The following GREB1L variants were observed in gnomAD, a reference collection of about 807,000 sequenced individuals.
GREB1L encodes GREB1-like protein.
GREB1L carries 17 observed loss-of-function variants against 200.8 expected under a neutral mutation model. The ratio of observed to expected loss-of-function variants is 0.08; its 90% confidence interval spans 0.06 to 0.13. The LOEUF (loss-of-function observed/expected upper bound fraction) is 0.13. Ranked by LOEUF, GREB1L falls within the 10% of genes least tolerant of loss-of-function variation. GREB1L has a pLI of 1.00. For synonymous variants in GREB1L, 789 were observed against 893.0 expected (o/e 0.88, Z 2.08); for missense variants, 1,657 against 2,367.7 (o/e 0.70, Z 6.23).
intron 6 of GREB1L, among the ~76,000 whole-genome samples, chr18:21,402,293 A>G (rs2041347741): frequency 6.6e-6 from 1 of 151,600 alleles, no homozygotes; most frequent in Non-Finnish European, 1.5e-5. Context: ...CTCCCTTTTA[A>G]TTCCCTTCTT....
intron 2 of GREB1L, chr18:21,380,600 A>G (rs939458353): frequency 4.6e-5 from 7 of 152,186 alleles, no homozygotes; most frequent in African/African-American, 1.2e-4. Flanking sequence ...TCCTGGCTCT[A>G]TCCCTTAATA....
chr18:21,296,980 A>T (rs1398483542), intron 1 of GREB1L, among the ~76,000 whole-genome samples: 2 of 152,140 alleles, frequency 1.3e-5, no homozygotes, highest in African/African-American at 4.8e-5. Context: ...TAGCTTGAGC[A>T]TCAGGATTTT....
At chr18:21,357,708 C>T (rs2039525433) in intron 1 of GREB1L, among the ~76,000 whole-genome samples, 1 of 152,170 alleles carries the variant, frequency 6.6e-6, no homozygotes, top group African/African-American at 2.4e-5. Context: ...TTCCAAGCAT[C>T]AGTTATTGAA....
chr18:21,386,796 C>T (rs575557292), intron 4 of GREB1L, among the ~76,000 whole-genome samples: 9 of 152,210 alleles, frequency 5.9e-5, no homozygotes, highest in African/African-American at 2.2e-4. Context: ...TGAGCCACCA[C>T]GCCCAGCCAG....
intron 1 of GREB1L, among the ~76,000 whole-genome samples, chr18:21,257,384 G>A (rs146280053): frequency 1.3e-5 from 2 of 152,254 alleles, no homozygotes; most frequent in Admixed American, 6.5e-5. Flanking sequence ...TCATTTTAAT[G>A]GAGCAATAAA....
chr18:21,243,689 C>T (rs1298194496), intron 1 of GREB1L, among the ~76,000 whole-genome samples: 1 of 152,142 alleles, frequency 6.6e-6, no homozygotes, highest in Non-Finnish European at 1.5e-5. Context: ...GTTGTTTCTT[C>T]TCTTTGCTGA....
intron 1 of GREB1L, among the ~76,000 whole-genome samples, chr18:21,340,060 G>C (rs1235145446): frequency 6.6e-6 from 1 of 152,158 alleles, no homozygotes; most frequent in African/African-American, 2.4e-5. Context: ...CCCACCCGCA[G>C]GATCTGATGC....
chr18:21,509,589 T>C (rs1450396978), intron 27 of GREB1L, among the ~76,000 whole-genome samples: 1 of 152,176 alleles, frequency 6.6e-6, no homozygotes, highest in African/African-American at 2.4e-5. Flanking sequence ...GCTTAAAATA[T>C]TTTCAAAAAT....
rs1329384876 is a variant in GREB1L at position 21,505,439 on chromosome 18, A to G, written c.4100A>G (p.Gln1367Arg). The G allele has an allele frequency of 1.3e-6, 2 of 1,551,462 alleles. No homozygotes were observed. The highest frequency in any genetic ancestry group is 3.9e-5 in the Admixed American group (2 of 50,976). ...CACAATGAAAGCAGTGAAGTGAGCC[A>G]GTCAGAGGGAGAGCCCTGGCCTGAC... is the stretch of plus-strand genomic sequence containing the variant. ...TDHNESSEVSQSEGEPWPDIE... is the reference protein window; with the variant it reads ...TDHNESSEVSRSEGEPWPDIE... The change falls in exon 24 of 33, where the codon CAG becomes CGG. Residue 1367 changes from glutamine (Q) to arginine (R), a missense_variant. Transcript: ENST00000424526.
At chr18:21,268,516 T>TAG (rs1178450885) in intron 1 of GREB1L, among the ~76,000 whole-genome samples, 1 of 79,638 alleles carries the variant, frequency 1.3e-5, no homozygotes, top group Non-Finnish European at 2.2e-5. Flanking sequence ...TATATGTATA[T>TAG]ATATATACAC....
intron 1 of GREB1L, among the ~76,000 whole-genome samples, chr18:21,246,672 AAACT>A (rs1295800252): frequency 6.6e-6 from 1 of 152,204 alleles, no homozygotes; most frequent in Non-Finnish European, 1.5e-5. Context: ...GACTTTTTTC[AAACT>A]AATTGTAGTT....
chr18:21,508,605 C>G lies in GREB1L; in HGVS notation c.4735+14C>G, dbSNP rs1486864287. 1.3e-6 allele frequency: 2 copies of G among 1,549,780 alleles called. No individual in the cohort carries two copies. Among genetic ancestry groups the G allele is most frequent in the East Asian group, 4.9e-5 (2 of 40,846 alleles). ...ATGCAGGCGTGGGTAAGGGGCCCCC[C>G]TGGGATGGGGAGAAGGGCTTCGAAG... On this transcript the variant is annotated intron_variant, in intron 27 of 32. Transcript: ENST00000424526.
In GREB1L at chr18:21,356,321, A is replaced by G. The variant is rs1205532646; in HGVS notation, c.-119-9706A>G. Among the ~76,000 whole-genome samples, 2 of 152,092 alleles carry G rather than the reference A, an allele frequency of 1.3e-5. 1 individual carries two copies. The highest frequency in any genetic ancestry group is 4.1e-4 in the South Asian group (2 of 4,820). ...TGAAATTTTGTGTGTTTTGACCAAC[A>G]TCTCAACCTATTCCCAGTCCAGCCC... On this transcript the variant is annotated intron_variant, in intron 1 of 32. Coordinates refer to ENST00000424526, the MANE Select transcript of GREB1L (RefSeq NM_001142966.3).
At chr18:21,509,164 T>C (rs1313006464) in intron 27 of GREB1L, among the ~76,000 whole-genome samples, 6 of 152,340 alleles carry the variant, frequency 3.9e-5, no homozygotes, top group African/African-American at 7.2e-5. Flanking sequence ...TCTTGTTGTA[T>C]GTATGACAGA....
chr18:21,522,992 ACTTTC>A lies in GREB1L; in HGVS notation c.*175_*179del. On this transcript the variant is annotated 3_prime_UTR_variant, in exon 33 of 33. Coordinates refer to ENST00000424526, the MANE Select transcript of GREB1L (RefSeq NM_001142966.3). ...TCTGATCCAGGTCTTTGGGGACATC[ACTTTC>A]CTTCAGTTCCAATTACAGGACCCTT... is the stretch of plus-strand genomic sequence containing the variant. The A allele has an allele frequency of 3.1e-5, 18 of 581,844 alleles. No individual in the cohort carries two copies. Among genetic ancestry groups the A allele is most frequent in the Non-Finnish European group, 4.6e-5 (16 of 344,440 alleles). 36.0% of individuals were successfully genotyped at this position (581,844 alleles called of 1,614,324 possible). A position where few individuals can be genotyped will look rare whatever the true frequency, so the allele number is the denominator to read the frequency against.
At chr18:21,300,279 C>T (rs1269874203) in intron 1 of GREB1L, among the ~76,000 whole-genome samples, 5 of 152,192 alleles carry the variant, frequency 3.3e-5, no homozygotes, top group Admixed American at 1.3e-4. Flanking sequence ...CATTCCTTCA[C>T]GGATTTCCCA....
intron 1 of GREB1L, among the ~76,000 whole-genome samples, chr18:21,347,941 T>G (rs1367492785): frequency 1.6e-4 from 18 of 110,052 alleles, no homozygotes; most frequent in Non-Finnish European, 3.2e-4. Flanking sequence ...TAATTTTTTT[T>G]TTTTTTTTTT....
intron 1 of GREB1L, among the ~76,000 whole-genome samples, chr18:21,249,724 G>A (rs1010478858): frequency 4.6e-5 from 7 of 152,042 alleles, no homozygotes; most frequent in Non-Finnish European, 7.4e-5. Context: ...GCCAGGCATC[G>A]TGGTGTATGC....
Position 21,516,598 on chromosome 18 carries a change from G to A in GREB1L, c.5130-15G>A. The A allele has an allele frequency of 6.4e-7, 1 of 1,550,550 alleles. No homozygotes were observed. Among genetic ancestry groups the A allele is most frequent in the Non-Finnish European group, 8.7e-7 (1 of 1,146,088 alleles). On this transcript the variant is annotated splice_polypyrimidine_tract_variant and intron_variant, in intron 29 of 32. Transcript: ENST00000424526. The stretch of plus-strand genomic sequence containing the variant: ...ATGCCAGCGGAAGAAAACTATTGTT[G>A]TGGTTACAATTTAGGTATTTCTGTG...
Sources: allele counts gnomAD v4.1 joint callset (sites outside exome capture counted in the v4.1 genomes callset), GRCh38; gene constraint gnomAD v4.1.1; transcripts MANE v1.5; gene names NCBI Gene and HGNC (gene_info 2026-07-23, HGNC 2026-07-21).